Variants in SRGAP1 observed in about 807,000 individuals in gnomAD.
SRGAP1 encodes the protein SLIT-ROBO Rho GTPase-activating protein 1.
Under a neutral mutation model 121.9 loss-of-function variants are expected in SRGAP1, and 43 were observed. That is an observed-to-expected ratio of 0.35 (90% confidence interval 0.28 to 0.46). SRGAP1 has a LOEUF of 0.46. Among genes scored for constraint, SRGAP1 ranks in the 20% least tolerant of loss-of-function variants. The probability of loss-of-function intolerance (pLI) is 1.00; values close to 1 mark genes in which losing one functional copy is unlikely to be tolerated. For missense variants in SRGAP1, 1,102 were observed against 1,350.9 expected, an observed-to-expected ratio of 0.82 and a Z score of 2.89; for synonymous variants, 447 against 485.4, an observed-to-expected ratio of 0.92 and a Z score of 1.04.
At chr12:63,985,685 A>C (rs1241095289) in intron 2 of SRGAP1, among the ~76,000 whole-genome samples, 3 of 152,226 alleles carry the variant, frequency 2.0e-5, no homozygotes, top group Non-Finnish European at 4.4e-5. Flanking sequence ...CTTTAATTTC[A>C]CTTGGGGCAG....
intron 4 of SRGAP1, among the ~76,000 whole-genome samples, chr12:64,035,607 G>A (rs1422581566): frequency 6.6e-6 from 1 of 152,178 alleles, no homozygotes; most frequent in African/African-American, 2.4e-5. Context: ...AGAGGTGTGT[G>A]TAGACAGGCC....
At chr12:63,999,552 G>C (rs1258738947) in intron 3 of SRGAP1, among the ~76,000 whole-genome samples, 1 of 152,150 alleles carries the variant, frequency 6.6e-6, no homozygotes, top group East Asian at 1.9e-4. Context: ...TTGATTGGCT[G>C]GGTGGGAGAG....
intron 2 of SRGAP1, among the ~76,000 whole-genome samples, chr12:63,984,356 A>G (rs1489766116): frequency 6.6e-6 from 1 of 152,134 alleles, no homozygotes; most frequent in Non-Finnish European, 1.5e-5. Flanking sequence ...TTTCCAATAC[A>G]TATATATTTA....
At chr12:63,903,537 C>T (rs1025409377) in intron 1 of SRGAP1, among the ~76,000 whole-genome samples, 1 of 151,810 alleles carries the variant, frequency 6.6e-6, no homozygotes, top group Non-Finnish European at 1.5e-5. Flanking sequence ...TGAGCCACCG[C>T]GCCCAGCCTG....
At chr12:63,894,053 T>C (rs1021318232) in intron 1 of SRGAP1, among the ~76,000 whole-genome samples, 2 of 152,166 alleles carry the variant, frequency 1.3e-5, no homozygotes, top group Non-Finnish European at 2.9e-5. Context: ...TTGGCCAGGC[T>C]GTCTCGAACT....
chr12:63,955,908 A>G (rs2032449115), intron 1 of SRGAP1, among the ~76,000 whole-genome samples: 1 of 152,132 alleles, frequency 6.6e-6, no homozygotes, highest in Non-Finnish European at 1.5e-5. Flanking sequence ...TACAGTTCTG[A>G]TTATAAATCA....
intron 1 of SRGAP1, among the ~76,000 whole-genome samples, chr12:63,948,887 TATATATATTCCATATATATATTTTCC>T (rs1565963981): frequency 1.2e-4 from 10 of 86,192 alleles, no homozygotes; most frequent in Non-Finnish European, 1.3e-4. Flanking sequence ...ATTTTCCATA[TATATATATTCCATATATATATTTTCC>T]ATATATATAT....
chr12:63,868,515 A>G (rs543684840), intron 1 of SRGAP1, among the ~76,000 whole-genome samples: 1 of 152,232 alleles, frequency 6.6e-6, no homozygotes, highest in African/African-American at 2.4e-5. Flanking sequence ...AGCTGAGCGC[A>G]CCAGCAAACC....
intron 1 of SRGAP1, among the ~76,000 whole-genome samples, chr12:63,938,753 T>C (rs58635652): frequency 4.1e-4 from 63 of 152,168 alleles, no homozygotes; most frequent in African/African-American, 1.2e-3. Flanking sequence ...TTTTTTTTTT[T>C]TCCAGCCTGA....
At chr12:63,870,174 TTTG>T (rs1176174112) in intron 1 of SRGAP1, among the ~76,000 whole-genome samples, 9 of 152,334 alleles carry the variant, frequency 5.9e-5, no homozygotes, top group African/African-American at 1.7e-4. Flanking sequence ...TCTGTATTTT[TTTG>T]TTGTTGTTGT....
At chr12:64,070,128 A>G (rs1005142298) in intron 8 of SRGAP1, among the ~76,000 whole-genome samples, 5 of 152,152 alleles carry the variant, frequency 3.3e-5, no homozygotes, top group Non-Finnish European at 5.9e-5. Context: ...CTCATTATAA[A>G]CATTTATTGC....
chr12:63,890,659 T>C (rs1047306732), intron 1 of SRGAP1, among the ~76,000 whole-genome samples: 1 of 152,116 alleles, frequency 6.6e-6, no homozygotes, highest in Non-Finnish European at 1.5e-5. Context: ...AAGGAGCCCA[T>C]GTCTAGATGA....
At chr12:64,016,876 C>A in intron 3 of SRGAP1, 74 bp from the exon 4 acceptor site, 1 of 798,322 alleles carries the variant, frequency 1.3e-6, no homozygotes. Flanking sequence ...TAGATACATT[C>A]CTCTATTTTC....
chr12:63,956,210 G>GAAAA (rs1424432039), intron 1 of SRGAP1, among the ~76,000 whole-genome samples: 3 of 152,008 alleles, frequency 2.0e-5, no homozygotes, highest in African/African-American at 7.2e-5. Context: ...ATTACTGGCT[G>GAAAA]GTCTTTAACT....
At chr12:64,021,353 C>A (rs1290178533) in intron 4 of SRGAP1, among the ~76,000 whole-genome samples, 1 of 152,212 alleles carries the variant, frequency 6.6e-6, no homozygotes, top group Non-Finnish European at 1.5e-5. Context: ...TTGTAGCTAA[C>A]TAGCCATGCC....
intron 1 of SRGAP1, among the ~76,000 whole-genome samples, chr12:63,908,383 T>G (rs1255758006): frequency 6.6e-6 from 1 of 152,208 alleles, no homozygotes; most frequent in African/African-American, 2.4e-5. Context: ...CTTTAATATT[T>G]TTCAACAATG....
chr12:63,956,720 C>CT (rs3067620), intron 1 of SRGAP1, among the ~76,000 whole-genome samples: 38,982 of 96,800 alleles, frequency 0.4, 8,763 homozygotes, highest in South Asian at 0.47. Flanking sequence ...GTAAGCAAGG[C>CT]TTTTTTTTTT....
chr12:64,116,912 G>C (rs564968240), intron 18 of SRGAP1, among the ~76,000 whole-genome samples: 1 of 152,310 alleles, frequency 6.6e-6, no homozygotes, highest in Non-Finnish European at 1.5e-5. Flanking sequence ...TGAAGACTTT[G>C]GTGTGCTTTC....
intron 1 of SRGAP1, among the ~76,000 whole-genome samples, chr12:63,924,929 A>T (rs934745289): frequency 6.6e-6 from 1 of 152,174 alleles, no homozygotes; most frequent in Non-Finnish European, 1.5e-5. Flanking sequence ...TTAATTTAAA[A>T]TTTTTGTCTT....
Sources: gnomAD v4.1 joint callset for allele counts (sites outside exome capture counted in the v4.1 genomes callset) on GRCh38, gnomAD v4.1.1 for gene constraint, MANE v1.5 for transcripts, NCBI Gene and HGNC (gene_info 2026-07-23, HGNC 2026-07-21) for gene names.